Variants in CLIP3 observed in about 807,000 individuals in gnomAD.
CLIP3 encodes CAP-Gly domain containing linker protein 3, also known as CAP-Gly domain-containing linker protein 3.
CLIP3 carries 15 observed loss-of-function variants against 59.4 expected under a neutral mutation model. That is an observed-to-expected ratio of 0.25 (90% confidence interval 0.17 to 0.39). The LOEUF is 0.39. CLIP3 is among the 10% of genes least tolerant of loss of function. The pLI, the probability that CLIP3 is intolerant of heterozygous loss-of-function variation, is 1.00. For synonymous variants in CLIP3, 300 were observed against 321.6 expected, an observed-to-expected ratio of 0.93 and a Z score of 0.72; for missense variants, 495 against 765.7, an observed-to-expected ratio of 0.65 and a Z score of 4.17.
intron 11 of CLIP3, 93 bp from the exon 12 acceptor site, chr19:36,017,543 G>A (rs1031164740): frequency 1.3e-6 from 2 of 1,593,856 alleles, no homozygotes; most frequent in Non-Finnish European, 1.7e-6. Flanking sequence ...GGAAAGGGCT[G>A]GGGGCTCGGG....
chr19:36,019,342 A>C (rs780635687), intron 7 of CLIP3, 36 bp from the exon 8 acceptor site: 2 of 1,586,008 alleles, frequency 1.3e-6, no homozygotes, highest in South Asian at 1.1e-5. Context: ...TAAGGAAGGA[A>C]TGCTGGGAGG....
rs1968841704 is a variant in CLIP3 at position 36,017,837 on chromosome 19, C to T, written c.1327+11G>A. 6.2e-7 allele frequency: 1 copy of T among 1,614,098 alleles called. No individual in the cohort carries two copies. The highest frequency in any genetic ancestry group is 1.1e-5 in the South Asian group (1 of 91,078). On this transcript the variant is annotated intron_variant, in intron 10 of 13. Transcript: ENST00000360535. ...CCTGCCTGCCTCCCGGCCCAGAGTC[C>T]CCATCCTCACCTGGGGCAAAGTCTG...
In CLIP3 at chr19:36,026,605, C is replaced by T. The variant is rs764986816; in HGVS notation, c.543G>A (p.Leu181=). 1.9e-6 allele frequency: 3 copies of T among 1,613,780 alleles called. No homozygotes were observed. Among genetic ancestry groups the T allele is most frequent in the African/African-American group, 2.7e-5 (2 of 75,068 alleles). ...FDVPDLVRVL[L]KGARPRVVNS... Reference sequence around the variant, plus strand: ...CCTCACCTCGCGGCCTCGCACCCTTCAGCAGCACACGCACGAGGTCGGGCA... The same window carrying T: ...CCTCACCTCGCGGCCTCGCACCCTTTAGCAGCACACGCACGAGGTCGGGCA... The change falls in exon 5 of 14, where the codon CTG becomes CTA. Residue 181 remains leucine, a synonymous_variant. Transcript: ENST00000360535. This position sits in a 1 kb window ranked among gnomAD's most constrained non-coding sequence, Gnocchi z 6.3.
intron 2 of CLIP3, among the ~76,000 whole-genome samples, chr19:36,029,573 C>T (rs1969205396): frequency 6.6e-6 from 1 of 152,010 alleles, no homozygotes; most frequent in African/African-American, 2.4e-5. Context: ...GTGTGAGCCA[C>T]CATGCCCAGC....
intron 2 of CLIP3, among the ~76,000 whole-genome samples, chr19:36,031,166 C>G (rs1245848236): frequency 1.3e-5 from 2 of 151,354 alleles, no homozygotes; most frequent in African/African-American, 4.9e-5. Flanking sequence ...CAGACATATG[C>G]CACTATACCC....
At chr19:36,019,928 G>A (rs965652354) in intron 7 of CLIP3, among the ~76,000 whole-genome samples, 6 of 151,794 alleles carry the variant, frequency 4.0e-5, no homozygotes, top group African/African-American at 7.3e-5. Flanking sequence ...AACTAAGGCC[G>A]GGTGTGGTGG....
rs922149198 is a variant in CLIP3, at chr19:36,016,591, G to A, written c.1589+316C>T. On this transcript the variant is annotated intron_variant, in intron 13 of 13. Transcript: ENST00000360535. This position sits in a 1 kb window ranked among gnomAD's most constrained non-coding sequence, Gnocchi z 4.1. The stretch of plus-strand genomic sequence containing the variant: ...TTGAACTCCTGACCTCAGGTGATCC[G>A]CCTGCCTTGGCCTCCCAAAGTGCTG... 6.6e-6 allele frequency among the ~76,000 whole-genome samples: 1 copy of A among 152,152 alleles called. No individual in the cohort carries two copies. The highest frequency in any genetic ancestry group is 1.5e-5 in the Non-Finnish European group (1 of 68,026).
chr19:36,031,008 C>CTTTTTTT (rs374690845), intron 2 of CLIP3, among the ~76,000 whole-genome samples: 246 of 77,786 alleles, frequency 3.2e-3, no homozygotes, highest in Non-Finnish European at 3.8e-3. Context: ...TTTTTCTTTT[C>CTTTTTTT]TTTTTTTTTT....
At chr19:36,031,135 C>T (rs1445516883) in intron 2 of CLIP3, among the ~76,000 whole-genome samples, 1 of 149,870 alleles carries the variant, frequency 6.7e-6, no homozygotes, top group Non-Finnish European at 1.5e-5. Context: ...ACTGCCTCAG[C>T]CTCCCGAGTG....
chr19:36,026,395 A>T lies in CLIP3; in HGVS notation c.563-130T>A. 7.1e-6 allele frequency: 4 copies of T among 566,436 alleles called. No homozygotes were observed. The highest frequency in any genetic ancestry group is 1.2e-5 in the Non-Finnish European group (4 of 343,506). 35.1% of individuals were successfully genotyped at this position (566,436 alleles called of 1,614,324 possible). ...ACGCAGAGCCCCGCCCCCACCTCGG[A>T]GCCCCCCTCTCCCTTGGCAGCCCCG... On this transcript the variant is annotated intron_variant, in intron 5 of 13. Coordinates refer to ENST00000360535, the MANE Select transcript of CLIP3 (RefSeq NM_015526.3). The surrounding 1 kb of genome is among the most constrained non-coding windows in gnomAD (Gnocchi z 6.3).
In CLIP3 at chr19:36,026,784, C is replaced by G; in HGVS notation, c.401-37G>C. On this transcript the variant is annotated intron_variant, in intron 4 of 13. Transcript: ENST00000360535. This position sits in a 1 kb window ranked among gnomAD's most constrained non-coding sequence, Gnocchi z 6.3. ...GCCGGGTCAGCTTGGAACCCCCATT[C>G]CAGAGCATGGGCCCAGTGCACGGGG... 6.3e-7 allele frequency: 1 copy of G among 1,582,158 alleles called. No individual in the cohort carries two copies. Among genetic ancestry groups the G allele is most frequent in the Non-Finnish European group, 8.5e-7 (1 of 1,170,182 alleles).
intron 3 of CLIP3, 32 bp from the exon 4 acceptor site, chr19:36,027,077 C>T (rs993463450): frequency 1.6e-5 from 25 of 1,598,040 alleles, no homozygotes; most frequent in East Asian, 2.2e-5. Flanking sequence ...GGAGGGTCAC[C>T]CACACATGTG....
intron 7 of CLIP3, among the ~76,000 whole-genome samples, chr19:36,023,082 A>C (rs1968996530): frequency 6.6e-6 from 1 of 152,102 alleles, no homozygotes; most frequent in East Asian, 1.9e-4. Context: ...AATCATAATA[A>C]TAAAAATAAA....
rs953504013 is a variant in CLIP3 at position 36,026,065 on chromosome 19, G to A, written c.681+82C>T. 9.6e-6 allele frequency: 10 copies of A among 1,040,666 alleles called. No homozygotes were observed. The highest frequency in any genetic ancestry group is 4.8e-5 in the East Asian group (2 of 41,540). The allele number at this position is 1,040,666 out of a possible 1,614,324, so 64.5% of individuals were successfully genotyped here. On this transcript the variant is annotated intron_variant, in intron 6 of 13. Transcript: ENST00000360535. The surrounding 1 kb of genome is among the most constrained non-coding windows in gnomAD (Gnocchi z 6.3). ...GCATTTGTAGTATTTGGGGAGTCACGGGAAACGCAGAGACCTGCTGGAGGG... is the reference window on the plus strand; with the variant it reads ...GCATTTGTAGTATTTGGGGAGTCACAGGAAACGCAGAGACCTGCTGGAGGG...
chr19:36,031,886 C>T (rs1453211039), intron 2 of CLIP3, among the ~76,000 whole-genome samples: 1 of 152,186 alleles, frequency 6.6e-6, no homozygotes, highest in Non-Finnish European at 1.5e-5. Context: ...GACTGGGTCT[C>T]TCTTGCCCCC....
At position 36,032,131 on chromosome 19, in the gene CLIP3, G is replaced by T; in HGVS notation, c.166+61C>A. On this transcript the variant is annotated intron_variant, in intron 2 of 13. Transcript: ENST00000360535. This position sits in a 1 kb window ranked among gnomAD's most constrained non-coding sequence, Gnocchi z 4.3. ...CCACCATCACCACCAGCAGAGCACA[G>T]CCCACCCTCCCCGGCCACCCAACGC... 1.0e-6 allele frequency: 1 copy of T among 968,382 alleles called. No homozygotes were observed. Among genetic ancestry groups the T allele is most frequent in the Non-Finnish European group, 1.4e-6 (1 of 732,174 alleles). 60.0% of individuals were successfully genotyped at this position (968,382 alleles called of 1,614,324 possible).
In CLIP3 at chr19:36,032,152, A is replaced by G. The variant is rs1297978009; in HGVS notation, c.166+40T>C. 18 of 1,177,168 alleles carry G rather than the reference A, an allele frequency of 1.5e-5. No homozygotes were observed. The highest frequency in any genetic ancestry group is 2.0e-5 in the Non-Finnish European group (18 of 922,878). 72.9% of individuals were successfully genotyped at this position (1,177,168 alleles called of 1,614,324 possible). A position where few individuals can be genotyped will look rare whatever the true frequency, so the allele number is the denominator to read the frequency against. ...CACAGCCCACCCTCCCCGGCCACCCAACGCTCCAGGCCAGATTCCAGGGTG... is the reference window on the plus strand; with the variant it reads ...CACAGCCCACCCTCCCCGGCCACCCGACGCTCCAGGCCAGATTCCAGGGTG... On this transcript the variant is annotated intron_variant, in intron 2 of 13. Transcript: ENST00000360535. The surrounding 1 kb of genome is among the most constrained non-coding windows in gnomAD (Gnocchi z 4.3).
intron 2 of CLIP3, among the ~76,000 whole-genome samples, chr19:36,029,417 G>T (rs115031301): frequency 1.5e-3 from 232 of 151,014 alleles, no homozygotes; most frequent in African/African-American, 5.4e-3. Flanking sequence ...CTCCCTGGTA[G>T]CTAGGACTAC....
intron 7 of CLIP3, among the ~76,000 whole-genome samples, chr19:36,020,832 A>T (rs1203721238): frequency 6.6e-6 from 1 of 152,100 alleles, no homozygotes; most frequent in African/African-American, 2.4e-5. Flanking sequence ...TAAGTAAAGG[A>T]TCAGCAAGTA....
Sources: gnomAD v4.1 joint callset for allele counts (sites outside exome capture counted in the v4.1 genomes callset) on GRCh38, gnomAD v4.1.1 for gene constraint, Gnocchi (gnomAD v3.1) non-coding constraint, MANE v1.5 for transcripts, NCBI Gene and HGNC (gene_info 2026-07-23, HGNC 2026-07-21) for gene names.